The following GET3 variants were observed in gnomAD, a reference collection of about 807,000 sequenced individuals.
The protein encoded by GET3 is ATPase GET3.
Under a neutral mutation model 32.4 loss-of-function variants are expected in GET3, and 15 were observed. The ratio of observed to expected loss-of-function variants is 0.46; its 90% confidence interval spans 0.31 to 0.71. GET3 has a LOEUF of 0.71. GET3 is among the 30% of genes least tolerant of loss of function. The pLI is 0.05. For synonymous variants in GET3, 198 were observed against 185.6 expected (o/e 1.07, Z -0.54); for missense variants, 333 against 459.0 (o/e 0.73, Z 2.51).
intron 2 of GET3, among the ~76,000 whole-genome samples, chr19:12,738,890 A>G (rs562775374): frequency 6.6e-6 from 1 of 152,318 alleles, no homozygotes; most frequent in Non-Finnish European, 1.5e-5. Flanking sequence ...AGTTGGAGAG[A>G]CCAATCAGAG....
chr19:12,738,693 A>T (rs775743505), intron 2 of GET3, 35 bp downstream of exon 2: 1 of 1,613,458 alleles, frequency 6.2e-7, no homozygotes, highest in Admixed American at 1.7e-5. Context: ...CACTTCTGGG[A>T]AAAGCCTCTT....
At chr19:12,737,418 C>G, upstream of GET3, 1 of 1,366,052 alleles carries the variant, frequency 7.3e-7, no homozygotes, top group Non-Finnish European at 9.5e-7. Context: ...AACTCATGCT[C>G]CTAGCTTCGC....
chr19:12,743,674 C>G (rs1366153932), intron 2 of GET3, among the ~76,000 whole-genome samples: 1 of 148,162 alleles, frequency 6.7e-6, no homozygotes, highest in East Asian at 2.1e-4. Flanking sequence ...CCTGTAGTCC[C>G]AGCTACTCAC....
In GET3 at chr19:12,747,904, T is replaced by C; in HGVS notation, c.916-69T>C. 2.7e-6 allele frequency: 4 copies of C among 1,474,132 alleles called. No homozygotes were observed. The highest frequency in any genetic ancestry group is 3.7e-6 in the Non-Finnish European group (4 of 1,087,138). 91.3% of individuals were successfully genotyped at this position (1,474,132 alleles called of 1,614,324 possible). ...AAGCTTTCTAGCTTTACCGCTTCTATTGATCCACACTCTGTCTCTGCCTTC... is the reference window on the plus strand; with the variant it reads ...AAGCTTTCTAGCTTTACCGCTTCTACTGATCCACACTCTGTCTCTGCCTTC... On this transcript the variant is annotated intron_variant, in intron 6 of 6. Transcript: ENST00000357332. This position sits in a 1 kb window ranked among gnomAD's most constrained non-coding sequence, Gnocchi z 4.0.
At chr19:12,739,465 C>G (rs992520865) in intron 2 of GET3, among the ~76,000 whole-genome samples, 2 of 152,270 alleles carry the variant, frequency 1.3e-5, no homozygotes, top group East Asian at 3.9e-4. Flanking sequence ...CACATCGCAC[C>G]AGGGATGTAT....
At position 12,745,244 on chromosome 19, in the gene GET3, C is replaced by A; in HGVS notation, c.310-133C>A. On this transcript the variant is annotated intron_variant, in intron 2 of 6. Coordinates refer to ENST00000357332, the MANE Select transcript of GET3 (RefSeq NM_004317.4). The surrounding 1 kb of genome is among the most constrained non-coding windows in gnomAD (Gnocchi z 5.0). ...CCCCAGCCGTGACCTAATGAAATGC[C>A]TGTGGTCACAGCCCACCACAGGCTC... is the stretch of plus-strand genomic sequence containing the variant. 1 of 1,005,498 alleles carries A rather than the reference C, an allele frequency of 9.9e-7. No individual in the cohort carries two copies. The highest frequency in any genetic ancestry group is 1.5e-6 in the Non-Finnish European group (1 of 689,308). 62.3% of individuals were successfully genotyped at this position (1,005,498 alleles called of 1,614,324 possible).
At chr19:12,744,610 G>A (rs986458675) in intron 2 of GET3, among the ~76,000 whole-genome samples, 13 of 152,132 alleles carry the variant, frequency 8.5e-5, no homozygotes, top group Admixed American at 3.3e-4. Flanking sequence ...ATGAGGTACC[G>A]CGCCTGGCTG....
At chr19:12,746,441 T>C (rs2145694667) in intron 4 of GET3, among the ~76,000 whole-genome samples, 1 of 151,962 alleles carries the variant, frequency 6.6e-6, no homozygotes, top group Non-Finnish European at 1.5e-5. Context: ...CCCCCATGGG[T>C]TATTATTACG....
At chr19:12,742,805 C>A (rs1967694590) in intron 2 of GET3, among the ~76,000 whole-genome samples, 1 of 152,028 alleles carries the variant, frequency 6.6e-6, no homozygotes, top group Non-Finnish European at 1.5e-5. Flanking sequence ...GCTTGGCTTC[C>A]TAATACACTG....
chr19:12,748,083 C>G lies in GET3; in HGVS notation c.1026C>G (p.Tyr342Ter). 3.1e-6 allele frequency: 5 copies of G among 1,605,242 alleles called. No individual in the cohort carries two copies. Among genetic ancestry groups the G allele is most frequent in the Non-Finnish European group, 4.3e-6 (5 of 1,174,102 alleles). The change falls in exon 7 of 7, where the codon TAC (tyrosine) becomes TAG (stop). Residue 342 changes from tyrosine to a stop codon, truncating the protein, a stop_gained. Coordinates refer to ENST00000357332, the MANE Select transcript of GET3 (RefSeq NM_004317.4). LOFTEE classifies it high-confidence loss of function. ...NTFSALLLEP[Y>*]KPPSAQ ...TCTCGGCCCTCCTCCTGGAGCCCTA[C>G]AAGCCCCCCAGTGCCCAGTAGCACA... is the stretch of plus-strand genomic sequence containing the variant.
chr19:12,745,335 C>A lies in GET3; in HGVS notation c.310-42C>A. ...CTGTGCCCAGGTGGGAAGGCTCCCC[C>A]AGCAGTAGCAGCAACCTCAGTCTCA... On this transcript the variant is annotated intron_variant, in intron 2 of 6. Coordinates refer to ENST00000357332, the MANE Select transcript of GET3 (RefSeq NM_004317.4). This position sits in a 1 kb window ranked among gnomAD's most constrained non-coding sequence, Gnocchi z 5.0. 6.3e-7 allele frequency: 1 copy of A among 1,595,596 alleles called. No homozygotes were observed. Among genetic ancestry groups the A allele is most frequent in the Non-Finnish European group, 8.5e-7 (1 of 1,175,142 alleles).
Position 12,738,520 on chromosome 19 carries a change from G to A in GET3, c.171G>A (p.Leu57=). 1 of 1,614,084 alleles carries A rather than the reference G, an allele frequency of 6.2e-7. No homozygotes were observed. The change falls in exon 2 of 7, where the codon CTG becomes CTA. Residue 57 remains leucine (L), a synonymous_variant. Coordinates refer to ENST00000357332, the MANE Select transcript of GET3 (RefSeq NM_004317.4). Reference sequence around the variant, plus strand: ...CTTTTCCATTACTCAGCTGCAGCCTGGCAGTCCAGCTCTCCAAGGGGCGTG... The same window carrying A: ...CTTTTCCATTACTCAGCTGCAGCCTAGCAGTCCAGCTCTCCAAGGGGCGTG... ...GVGKTTCSCS[L]AVQLSKGRES... is the part of the protein sequence containing the mutation.
intron 2 of GET3, 152 bp downstream of exon 2, chr19:12,738,810 A>G (rs145098210): frequency 8.9e-7 from 1 of 1,121,542 alleles, no homozygotes; most frequent in East Asian, 2.6e-5. Flanking sequence ...AAGGGAACCA[A>G]TGAGGAATTG....
rs1967791093 is a variant in GET3 at position 12,747,316 on chromosome 19, T to A, written c.717+12T>A. On this transcript the variant is annotated intron_variant, in intron 5 of 6. Coordinates refer to ENST00000357332, the MANE Select transcript of GET3 (RefSeq NM_004317.4). This position sits in a 1 kb window ranked among gnomAD's most constrained non-coding sequence, Gnocchi z 4.0. ...AGTTCAAGGACCCTGTGAGTGGTGGTCTGGCTGGCGGTGAGAGGCCCGGGG... is the reference window on the plus strand; with the variant it reads ...AGTTCAAGGACCCTGTGAGTGGTGGACTGGCTGGCGGTGAGAGGCCCGGGG... The A allele has an allele frequency of 1.2e-6, 2 of 1,609,212 alleles. No homozygotes were observed. The highest frequency in any genetic ancestry group is 1.7e-6 in the Non-Finnish European group (2 of 1,176,456).
At chr19:12,743,345 G>C (rs979212575) in intron 2 of GET3, among the ~76,000 whole-genome samples, 1 of 151,858 alleles carries the variant, frequency 6.6e-6, no homozygotes, top group Non-Finnish European at 1.5e-5. Context: ...GGGTGGTGGC[G>C]CATGCCTGTA....
chr19:12,738,376 C>T (rs999997397), intron 1 of GET3, 135 bp from the exon 2 acceptor site: 9 of 1,087,098 alleles, frequency 8.3e-6, no homozygotes, highest in Non-Finnish European at 1.2e-5. Context: ...TCAATCCCAC[C>T]ATAACCCATA....
At position 12,745,815 on chromosome 19, in the gene GET3, C is replaced by A; in HGVS notation, c.609+56C>A. ...CCAGGCAGCCGGGAGTGGGAGTAGGCCCGGGCCCCCAGACCCTCAAATGCG... is the reference window on the plus strand; with the variant it reads ...CCAGGCAGCCGGGAGTGGGAGTAGGACCGGGCCCCCAGACCCTCAAATGCG... On this transcript the variant is annotated intron_variant, in intron 4 of 6. Transcript: ENST00000357332. The surrounding 1 kb of genome is among the most constrained non-coding windows in gnomAD (Gnocchi z 5.0). The A allele has an allele frequency of 1.3e-6, 2 of 1,545,258 alleles. No individual in the cohort carries two copies. Among genetic ancestry groups the A allele is most frequent in the South Asian group, 1.2e-5 (1 of 82,724 alleles).
chr19:12,745,687 C>G lies in GET3; in HGVS notation c.537C>G (p.Phe179Leu). ...GCCACACCCTGAGGCTGCTCAACTT[C>G]CCCACCATCGTGGAGCGGGGCCTGG... ...PTGHTLRLLNFPTIVERGLGR... is the reference protein window; with the variant it reads ...PTGHTLRLLNLPTIVERGLGR... Residue 179 changes from phenylalanine to leucine, a missense_variant, in exon 4 of 7, where the codon TTC becomes TTG. This residue lies in a region of GET3 where 230 missense variants were observed against 389.2 expected (regional missense o/e 0.59). Coordinates refer to ENST00000357332, the MANE Select transcript of GET3 (RefSeq NM_004317.4). The surrounding 1 kb of genome is among the most constrained non-coding windows in gnomAD (Gnocchi z 5.0). 6.2e-7 allele frequency: 1 copy of G among 1,613,098 alleles called. No individual in the cohort carries two copies. The highest frequency in any genetic ancestry group is 8.5e-7 in the Non-Finnish European group (1 of 1,179,974).
chr19:12,742,231 CTTTT>C (rs758340070), intron 2 of GET3, among the ~76,000 whole-genome samples: 3 of 133,842 alleles, frequency 2.2e-5, no homozygotes, highest in Admixed American at 7.6e-5. Context: ...GAGATGGTAT[CTTTT>C]TTTTTTTTTT....
Sources: allele counts gnomAD v4.1 joint callset (sites outside exome capture counted in the v4.1 genomes callset), GRCh38; gene constraint gnomAD v4.1.1; regional missense constraint gnomAD v4.1.1; non-coding constraint Gnocchi (gnomAD v3.1); transcripts MANE v1.5; gene names NCBI Gene and HGNC (gene_info 2026-07-23, HGNC 2026-07-21).